The following KIAA1549L variants were observed in gnomAD, a reference collection of about 807,000 sequenced individuals.
KIAA1549L encodes KIAA1549 like.
In KIAA1549L, 88 loss-of-function variants were observed where a neutral mutation model predicts 160.7. The observed-to-expected ratio is 0.55, with a 90% CI of 0.46 to 0.65. The LOEUF (loss-of-function observed/expected upper bound fraction) is 0.65. KIAA1549L is among the 30% of genes least tolerant of loss of function. KIAA1549L has a pLI of 0.00. For synonymous variants in KIAA1549L, 950 were observed against 976.7 expected (o/e 0.97, Z 0.51); for missense variants, 2,258 against 2,437.5 (o/e 0.93, Z 1.55).
intron 1 of KIAA1549L, among the ~76,000 whole-genome samples, chr11:33,418,148 A>G (rs1288672437): frequency 6.6e-6 from 1 of 152,162 alleles, no homozygotes; most frequent in African/African-American, 2.4e-5. Context: ...TATTGTGTTT[A>G]TTGTTTGCTT....
intron 12 of KIAA1549L, among the ~76,000 whole-genome samples, chr11:33,592,486 T>A (rs1200621506): frequency 6.6e-6 from 1 of 152,218 alleles, no homozygotes; most frequent in Non-Finnish European, 1.5e-5. Flanking sequence ...CCTTGTTGCC[T>A]GAGACTACTA....
rs751828439 is a variant in KIAA1549L, at chr11:33,658,918, G to A, written c.6007+20G>A. ...ACTCAGGTGGGCAAGAGAAAAGCCC[G>A]AGTGTGCCCCCCACCACTGCTGCTG... On this transcript the variant is annotated intron_variant, in intron 19 of 20. Coordinates refer to ENST00000658780, the MANE Select transcript of KIAA1549L (RefSeq NM_012194.3). 56 of 1,531,600 alleles carry A rather than the reference G, an allele frequency of 3.7e-5. No individual in the cohort carries two copies. The highest frequency in any genetic ancestry group is 1.7e-4 in the Middle Eastern group (1 of 5,934). 94.9% of individuals were successfully genotyped at this position (1,531,600 alleles called of 1,614,324 possible).
chr11:33,583,409 G>GTCA lies in KIAA1549L; in HGVS notation c.4490_4492dup (p.Ile1497dup), dbSNP rs773507581. The GTCA allele has an allele frequency of 5.0e-6, 8 of 1,592,800 alleles. No homozygotes were observed. The highest frequency in any genetic ancestry group is 1.1e-5 in the South Asian group (1 of 88,138). On this transcript the variant is annotated inframe_insertion, in exon 11 of 21. Coordinates refer to ENST00000658780, the MANE Select transcript of KIAA1549L (RefSeq NM_012194.3). The stretch of plus-strand genomic sequence containing the variant: ...GCTGGCGCCCATTGCCGTGGTCACG[G>GTCA]TCATCATCATCATCATCACTGCCGT...
chr11:33,590,169 C>T (rs908303150), intron 11 of KIAA1549L, among the ~76,000 whole-genome samples: 5 of 152,198 alleles, frequency 3.3e-5, no homozygotes, highest in African/African-American at 1.2e-4. Flanking sequence ...TTACATGTTG[C>T]TCTCACAAAC....
Position 33,544,829 on chromosome 11 carries a change from A to T in KIAA1549L, c.2836A>T (p.Lys946Ter). 6.2e-7 allele frequency: 1 copy of T among 1,612,564 alleles called. No homozygotes were observed. The highest frequency in any genetic ancestry group is 8.5e-7 in the Non-Finnish European group (1 of 1,178,784). Residue 946 changes from lysine (K) to a stop codon, truncating the protein, a stop_gained, in exon 3 of 21, where the codon AAA becomes TAA. Transcript: ENST00000658780. LOFTEE classifies it high-confidence loss of function. ...AAAAVTLFLR[K>*]SSPPALSAAL... The stretch of plus-strand genomic sequence containing the variant: ...AGCTGCCGTCACATTGTTTCTGAGG[A>T]AATCAAGTCCACCTGCACTGTCTGC...
At chr11:33,553,332 A>G (rs1275429638) in intron 6 of KIAA1549L, among the ~76,000 whole-genome samples, 1 of 149,838 alleles carries the variant, frequency 6.7e-6, no homozygotes. Context: ...GCAACTACGT[A>G]GATATCATCC....
chr11:33,610,117 G>A (rs999800166), intron 15 of KIAA1549L, among the ~76,000 whole-genome samples, 151 bp downstream of exon 15: 1 of 151,970 alleles, frequency 6.6e-6, no homozygotes, highest in East Asian at 1.9e-4. Flanking sequence ...TGTGCAAGCA[G>A]GTGCTCTATA....
At chr11:33,456,102 T>C (rs1488279992) in intron 1 of KIAA1549L, among the ~76,000 whole-genome samples, 4 of 152,208 alleles carry the variant, frequency 2.6e-5, no homozygotes, top group African/African-American at 9.7e-5. Flanking sequence ...ACTTGGCTTA[T>C]AGGTCTCATG....
intron 1 of KIAA1549L, among the ~76,000 whole-genome samples, chr11:33,430,858 A>G (rs905764717): frequency 6.6e-6 from 1 of 152,224 alleles, no homozygotes; most frequent in African/African-American, 2.4e-5. Context: ...TATTTGTTGA[A>G]TCAACTTTTG....
rs1473682326 is a variant in KIAA1549L at position 33,435,796 on chromosome 11, AT to A, written c.238+58908del. Among the ~76,000 whole-genome samples, 10 of 34,658 alleles carry A rather than the reference AT, an allele frequency of 2.9e-4. 1 individual carries two copies. The highest frequency in any genetic ancestry group is 1.9e-3 in the East Asian group (3 of 1,562). 22.7% of individuals were successfully genotyped at this position (34,658 alleles called of 152,430 possible). On this transcript the variant is annotated intron_variant, in intron 1 of 20. Coordinates refer to ENST00000658780, the MANE Select transcript of KIAA1549L (RefSeq NM_012194.3). The stretch of plus-strand genomic sequence containing the variant: ...TATATATATATATATATATATATAT[AT>A]ATATATATATATATGTGTGTGTATA...
chr11:33,609,307 GCT>G (rs1460553165), intron 14 of KIAA1549L, among the ~76,000 whole-genome samples: 4 of 152,240 alleles, frequency 2.6e-5, no homozygotes, highest in Non-Finnish European at 5.9e-5. Context: ...TCAGGAACTT[GCT>G]CTCTTATCTA....
intron 1 of KIAA1549L, among the ~76,000 whole-genome samples, chr11:33,477,484 G>C (rs1852311057): frequency 6.6e-6 from 1 of 151,234 alleles, no homozygotes; most frequent in African/African-American, 2.5e-5. Flanking sequence ...AATAATCTGT[G>C]GTGGAGTGCC....
At position 33,511,196 on chromosome 11, in the gene KIAA1549L, G is replaced by C. The variant is rs944210679; in HGVS notation, c.239-30606G>C. Among the ~76,000 whole-genome samples the C allele has an allele frequency of 2.0e-5, 3 of 152,280 alleles. No homozygotes were observed. In the East Asian group the frequency reaches 5.8e-4, roughly 29 times the overall value. Reference sequence around the variant, plus strand: ...CACAGGCACGGCTGTGTTGGCTTTTGTCTGCAGTATCCCAATTTTCTGCTG... The same window carrying C: ...CACAGGCACGGCTGTGTTGGCTTTTCTCTGCAGTATCCCAATTTTCTGCTG... On this transcript the variant is annotated intron_variant, in intron 1 of 20. Transcript: ENST00000658780.
In KIAA1549L at chr11:33,606,697, GC is replaced by G. The variant is rs1417796552; in HGVS notation, c.4938del (p.Ala1647LeufsTer16). 1 of 1,614,010 alleles carries G rather than the reference GC, an allele frequency of 6.2e-7. No individual in the cohort carries two copies. Among genetic ancestry groups the G allele is most frequent in the Non-Finnish European group, 8.5e-7 (1 of 1,179,888 alleles). On this transcript the variant is annotated frameshift_variant, in exon 14 of 21. Coordinates refer to ENST00000658780, the MANE Select transcript of KIAA1549L (RefSeq NM_012194.3). LOFTEE classifies it high-confidence loss of function. ...TCTATTTGACAACTCCAGCAAGGTG[GC>G]CGCTGAACCCTTTGACACATCTTCT... Reference protein sequence around the residue: ...AVLFDNSSKVAAEPFDTSSGS... With the variant: ...AVLFDNSSKVXAEPFDTSSGS...
chr11:33,538,340 A>G (rs528559089), intron 1 of KIAA1549L, among the ~76,000 whole-genome samples: 1 of 152,318 alleles, frequency 6.6e-6, no homozygotes, highest in East Asian at 1.9e-4. Context: ...ATGCTTTTTC[A>G]GTCATGAAGT....
In KIAA1549L at chr11:33,542,171, C is replaced by A. The variant is rs1216226175; in HGVS notation, c.608C>A (p.Pro203His). 4.9e-6 allele frequency: 3 copies of A among 616,314 alleles called. No individual in the cohort carries two copies. The highest frequency in any genetic ancestry group is 3.0e-5 in the South Asian group (2 of 65,980). 38.2% of individuals were successfully genotyped at this position (616,314 alleles called of 1,614,324 possible). A position where few individuals can be genotyped will look rare whatever the true frequency, so the allele number is the denominator to read the frequency against. ...VSGLPLTSMLPSLSTVPSGTS... is the reference protein window; with the variant it reads ...VSGLPLTSMLHSLSTVPSGTS... Reference sequence around the variant, plus strand: ...GGTTTGCCTCTCACCAGCATGCTCCCCTCGTTGTCCACAGTCCCATCAGGG... The same window carrying A: ...GGTTTGCCTCTCACCAGCATGCTCCACTCGTTGTCCACAGTCCCATCAGGG... The change falls in exon 2 of 21, where the codon CCC becomes CAC. Residue 203 changes from proline to histidine, a missense_variant. Around this residue, in one of 6 missense-constraint regions of KIAA1549L, gnomAD observed 540 missense variants for 465.7 expected, o/e 1.16. Transcript: ENST00000658780.
chr11:33,526,250 C>G (rs1853608997), intron 1 of KIAA1549L, among the ~76,000 whole-genome samples: 1 of 152,194 alleles, frequency 6.6e-6, no homozygotes, highest in Admixed American at 6.5e-5. Flanking sequence ...AACAGAACAA[C>G]CCTGCTCCAA....
intron 1 of KIAA1549L, among the ~76,000 whole-genome samples, chr11:33,500,236 G>A (rs1168086735): frequency 1.3e-5 from 2 of 152,196 alleles, no homozygotes; most frequent in Non-Finnish European, 1.5e-5. Context: ...GAGAGGTTAA[G>A]TAACTGTTTC....
chr11:33,551,336 G>C, intron 5 of KIAA1549L, 77 bp downstream of exon 5: 3 of 1,213,038 alleles, frequency 2.5e-6, no homozygotes, highest in Non-Finnish European at 3.6e-6. Flanking sequence ...CTGTTTAAAA[G>C]CTCCATTGCT....
Sources: gnomAD v4.1 joint callset for allele counts (sites outside exome capture counted in the v4.1 genomes callset) on GRCh38, gnomAD v4.1.1 for gene constraint, gnomAD v4.1.1 regional missense constraint, MANE v1.5 for transcripts, NCBI Gene and HGNC (gene_info 2026-07-23, HGNC 2026-07-21) for gene names.